The following EXOC6 variants were observed in gnomAD, a reference collection of about 807,000 sequenced individuals.
The protein encoded by EXOC6 is exocyst complex component 6, also known as SEC15-like 1.
Under a neutral mutation model 112.5 loss-of-function variants are expected in EXOC6, and 60 were observed. The ratio of observed to expected loss-of-function variants is 0.53; its 90% CI spans 0.43 to 0.66. The LOEUF (loss-of-function observed/expected upper bound fraction) is 0.66. EXOC6 is among the 30% of genes least tolerant of loss of function. EXOC6 has a pLI of 0.00. For missense variants in EXOC6, 855 were observed against 957.1 expected (o/e 0.89, Z 1.41); for synonymous variants, 295 against 308.0 (o/e 0.96, Z 0.44).
chr10:92,977,559 C>CT (rs930515203), intron 18 of EXOC6, among the ~76,000 whole-genome samples: 1 of 151,874 alleles, frequency 6.6e-6, no homozygotes, highest in Non-Finnish European at 1.5e-5. Flanking sequence ...TATAGAAGTG[C>CT]TTTTTATATA....
chr10:92,879,875 G>A (rs759114506), intron 1 of EXOC6, among the ~76,000 whole-genome samples: 22 of 152,152 alleles, frequency 1.4e-4, no homozygotes, highest in Non-Finnish European at 1.5e-4. Flanking sequence ...ACCCATAGGA[G>A]CCTGGAATTG....
chr10:92,889,614 G>A (rs1849394977), intron 1 of EXOC6, among the ~76,000 whole-genome samples: 3 of 152,116 alleles, frequency 2.0e-5, no homozygotes, highest in Admixed American at 1.3e-4. Context: ...CTATGTTTAT[G>A]TGGGTTTATT....
In EXOC6 at chr10:92,893,501, C is replaced by G. The variant is rs773642694; in HGVS notation, c.254C>G (p.Thr85Ser). 9.4e-6 allele frequency: 15 copies of G among 1,598,188 alleles called. No homozygotes were observed. The highest frequency in any genetic ancestry group is 9.0e-5 in the South Asian group (8 of 88,654). ...ATTACAGAACTCCTTAAAGTAAGGACTGATGCAGAAAAACTGAAGGTAAGA... is the reference window on the plus strand; with the variant it reads ...ATTACAGAACTCCTTAAAGTAAGGAGTGATGCAGAAAAACTGAAGGTAAGA... The part of the protein sequence containing the change: ...DAITELLKVR[T>S]DAEKLKVQVT... The change falls in exon 2 of 22, where the codon ACT becomes AGT. Residue 85 changes from threonine to serine, a missense_variant. Thr to Ser is a moderately conservative substitution (Grantham distance 58). Transcript: ENST00000260762.
At chr10:93,020,414 T>A (rs781102780) in intron 20 of EXOC6, among the ~76,000 whole-genome samples, 2 of 152,014 alleles carry the variant, frequency 1.3e-5, no homozygotes, top group South Asian at 2.1e-4. Context: ...ATAATAATAA[T>A]AAATGTGTCA....
At chr10:92,999,253 A>G (rs761907659) in intron 19 of EXOC6, 4 of 370,434 alleles carry the variant, frequency 1.1e-5, no homozygotes, top group South Asian at 5.6e-5. Context: ...ATTACAGATG[A>G]GGTGTTGCTG....
chr10:92,972,367 A>G (rs183475178), intron 17 of EXOC6, among the ~76,000 whole-genome samples: 3 of 152,114 alleles, frequency 2.0e-5, no homozygotes, highest in South Asian at 2.1e-4. Context: ...TACACATTCA[A>G]GAGAGGGGAG....
intron 1 of EXOC6, among the ~76,000 whole-genome samples, chr10:92,839,880 C>T (rs1381689673): frequency 6.6e-6 from 1 of 151,964 alleles, no homozygotes; most frequent in Non-Finnish European, 1.5e-5. Context: ...GAAGGCCCTG[C>T]AGAGGGCTGG....
At chr10:92,884,489 T>C (rs61862260) in intron 1 of EXOC6, among the ~76,000 whole-genome samples, 1,721 of 152,344 alleles carry the variant, frequency 0.011, 19 homozygotes, top group Non-Finnish European at 0.017. Context: ...CCATGCTCTT[T>C]TATGGTTATG....
At chr10:92,899,530 G>C (rs1235595464) in intron 4 of EXOC6, 69 bp from the exon 5 acceptor site, 1 of 1,096,856 alleles carries the variant, frequency 9.1e-7, no homozygotes, top group African/African-American at 1.6e-5. Flanking sequence ...TTCCTGCTTT[G>C]ATTATTTTCA....
At chr10:92,854,599 C>G (rs780479349) in intron 1 of EXOC6, among the ~76,000 whole-genome samples, 1 of 152,098 alleles carries the variant, frequency 6.6e-6, no homozygotes, top group Non-Finnish European at 1.5e-5. Flanking sequence ...ATGCTTTTTT[C>G]TGTATCTATT....
chr10:92,854,097 G>C (rs1847483148), intron 1 of EXOC6, among the ~76,000 whole-genome samples: 2 of 151,896 alleles, frequency 1.3e-5, no homozygotes, highest in South Asian at 2.1e-4. Flanking sequence ...AATAAATTCT[G>C]TCTAGAATGT....
intron 8 of EXOC6, 62 bp from the exon 9 acceptor site, chr10:92,928,277 A>T: frequency 1.2e-6 from 1 of 820,430 alleles, no homozygotes; most frequent in Non-Finnish European, 2.0e-6. Context: ...GTAAAGAAGT[A>T]TCTGTTTTAG....
At chr10:93,012,991 T>G (rs1056264536) in intron 19 of EXOC6, among the ~76,000 whole-genome samples, 1 of 151,808 alleles carries the variant, frequency 6.6e-6, no homozygotes, top group Admixed American at 6.6e-5. Flanking sequence ...TGAGTTATAA[T>G]CATGCCACTG....
At position 92,994,506 on chromosome 10, in the gene EXOC6, A is replaced by G. The variant is rs1255020797; in HGVS notation, c.1954-2968A>G. Reference sequence around the variant, plus strand: ...GCTTAGCAGGTGTTTTTACTTATTTATTGAACTTTGTAGAGAGAGGGAAAA... The same window carrying G: ...GCTTAGCAGGTGTTTTTACTTATTTGTTGAACTTTGTAGAGAGAGGGAAAA... On this transcript the variant is annotated intron_variant, in intron 18 of 21. Transcript: ENST00000260762. 2.0e-5 allele frequency among the ~76,000 whole-genome samples: 3 copies of G among 152,184 alleles called. No homozygotes were observed. The East Asian group carries it at 5.8e-4, about 29-fold the overall frequency.
At chr10:92,916,212 TTG>T (rs1455267229) in intron 7 of EXOC6, among the ~76,000 whole-genome samples, 2 of 152,136 alleles carry the variant, frequency 1.3e-5, no homozygotes, top group Non-Finnish European at 2.9e-5. Flanking sequence ...ATGTGAACAC[TTG>T]TCTGTTTCAA....
chr10:93,057,243 T>C (rs1846590270), intron 21 of EXOC6, among the ~76,000 whole-genome samples: 1 of 152,148 alleles, frequency 6.6e-6, no homozygotes, highest in African/African-American at 2.4e-5. Flanking sequence ...TATATTGATG[T>C]GAACAAAACA....
intron 19 of EXOC6, among the ~76,000 whole-genome samples, chr10:92,998,628 C>CCACACACA (rs55823754): frequency 0.018 from 2,484 of 141,404 alleles, 32 homozygotes; most frequent in African/African-American, 0.037. Flanking sequence ...CTGTTGCACA[C>CCACACACA]CACACACACA....
intron 17 of EXOC6, among the ~76,000 whole-genome samples, chr10:92,961,209 A>G (rs1467065127): frequency 6.6e-6 from 1 of 152,150 alleles, no homozygotes; most frequent in Admixed American, 6.6e-5. Flanking sequence ...GCCTTGACTG[A>G]TTAATTGCAT....
intron 20 of EXOC6, among the ~76,000 whole-genome samples, chr10:93,041,656 T>G (rs1462341365): frequency 6.6e-6 from 1 of 152,112 alleles, no homozygotes; most frequent in African/African-American, 2.4e-5. Context: ...TCAAGTGATC[T>G]GCCTGCCTCG....
Sources: gnomAD v4.1 joint callset for allele counts (sites outside exome capture counted in the v4.1 genomes callset) on GRCh38, gnomAD v4.1.1 for gene constraint, MANE v1.5 for transcripts, NCBI Gene and HGNC (gene_info 2026-07-23, HGNC 2026-07-21) for gene names.